DDX21: variants seen among roughly 807,000 people sequenced by gnomAD.
DDX21 encodes the protein DExD-box helicase 21.
DDX21 carries 18 observed loss-of-function variants against 90.0 expected under a neutral mutation model. That is an observed-to-expected ratio of 0.20 (90% CI 0.14 to 0.30). The LOEUF is 0.30. Among genes scored for constraint, DDX21 ranks in the 10% least tolerant of loss-of-function variants. The pLI, the probability that DDX21 is intolerant of heterozygous loss-of-function variation, is 1.00. For missense variants in DDX21, 673 were observed against 944.5 expected, an observed-to-expected ratio of 0.71 and a Z score of 3.77; for synonymous variants, 294 against 318.0, an observed-to-expected ratio of 0.92 and a Z score of 0.80.
chr10:68,968,804 C>T (rs913505266), intron 6 of DDX21, among the ~76,000 whole-genome samples, 172 bp from the exon 7 acceptor site: 2 of 152,164 alleles, frequency 1.3e-5, no homozygotes, highest in African/African-American at 4.8e-5. Context: ...AGCGGTATTT[C>T]TTTGCCCATT....
chr10:68,960,448 GTACTCTGTCTTTTT>G (rs1842858618), intron 2 of DDX21, among the ~76,000 whole-genome samples, 199 bp downstream of exon 2: 1 of 151,570 alleles, frequency 6.6e-6, no homozygotes, highest in African/African-American at 2.4e-5. Context: ...TCAGCTAAGA[GTACTCTGTCTTTTT>G]TATTTTTTTA....
In DDX21 at chr10:68,977,629, C is replaced by G. The variant is rs1277206893; in HGVS notation, c.1843C>G (p.Leu615Val). 6.2e-7 allele frequency: 1 copy of G among 1,614,010 alleles called. No homozygotes were observed. Among genetic ancestry groups the G allele is most frequent in the Non-Finnish European group, 8.5e-7 (1 of 1,179,886 alleles). Residue 615 changes from leucine (L) to valine (V), a missense_variant, in exon 12 of 15, where the codon CTG (leucine) becomes GTG (valine). Physicochemically the swap from Leu to Val is conservative, Grantham distance 32 (BLOSUM62 1). Coordinates refer to ENST00000354185, the MANE Select transcript of DDX21 (RefSeq NM_004728.4). ...KGAVEALAAA[L>V]AHISGATSVD... ...AGCTGTGGAAGCTCTGGCAGCAGCA[C>G]TGGCCCATATTTCAGGTGCCACGTC... is the stretch of plus-strand genomic sequence containing the variant.
intron 10 of DDX21, 68 bp from the exon 11 acceptor site, chr10:68,974,602 G>A: frequency 3.1e-6 from 4 of 1,309,154 alleles, no homozygotes; most frequent in South Asian, 2.5e-5. Flanking sequence ...AAAAATTAGG[G>A]GACTGCTTAT....
At chr10:68,958,627 T>A (rs569621934) in intron 1 of DDX21, among the ~76,000 whole-genome samples, 1 of 152,154 alleles carries the variant, frequency 6.6e-6, no homozygotes, top group East Asian at 1.9e-4. Context: ...TTAGTAGAGA[T>A]GAGATTTCAC....
At chr10:68,974,200 T>C (rs769067960) in intron 10 of DDX21, among the ~76,000 whole-genome samples, 4 of 152,198 alleles carry the variant, frequency 2.6e-5, no homozygotes, top group Non-Finnish European at 5.9e-5. Context: ...TCATTAGTGA[T>C]AGGCACATAG....
chr10:68,960,911 G>T (rs1842864820), intron 2 of DDX21, among the ~76,000 whole-genome samples: 1 of 152,106 alleles, frequency 6.6e-6, no homozygotes, highest in African/African-American at 2.4e-5. Context: ...TTTGTAAATG[G>T]GCCCTAGTTT....
intron 4 of DDX21, among the ~76,000 whole-genome samples, chr10:68,964,916 T>C (rs1011366180): frequency 3.9e-5 from 6 of 152,148 alleles, no homozygotes; most frequent in Non-Finnish European, 7.4e-5. Flanking sequence ...GCTAGGATTA[T>C]AGGCATGAGC....
chr10:68,976,059 AAAAAAATAC>A (rs1843095725), intron 11 of DDX21, among the ~76,000 whole-genome samples: 1 of 151,612 alleles, frequency 6.6e-6, no homozygotes, highest in Non-Finnish European at 1.5e-5. Context: ...CAAAAAAAAA[AAAAAAATAC>A]AAAAATACAA....
intron 5 of DDX21, among the ~76,000 whole-genome samples, chr10:68,966,576 G>A (rs564948943): frequency 2.6e-5 from 4 of 152,154 alleles, no homozygotes; most frequent in African/African-American, 7.2e-5. Context: ...CCGAGTAGCT[G>A]GGATTACAGG....
At chr10:68,964,169 C>T in intron 4 of DDX21, 1 of 406,784 alleles carries the variant, frequency 2.5e-6, no homozygotes, top group South Asian at 1.8e-5. Flanking sequence ...AAACGCCAAG[C>T]CCCCATATTA....
intron 7 of DDX21, among the ~76,000 whole-genome samples, chr10:68,969,530 G>A (rs1024796342): frequency 2.0e-5 from 3 of 152,044 alleles, no homozygotes; most frequent in Non-Finnish European, 2.9e-5. Context: ...TGCCCATCTC[G>A]GCCTCCCAAA....
chr10:68,977,497 A>T, intron 11 of DDX21, 32 bp from the exon 12 acceptor site: 2 of 1,553,276 alleles, frequency 1.3e-6, no homozygotes, highest in Non-Finnish European at 1.7e-6. Flanking sequence ...CACTTCTAGT[A>T]TCCTTTCTCC....
intron 9 of DDX21, among the ~76,000 whole-genome samples, chr10:68,972,521 T>C (rs1424290547): frequency 6.6e-6 from 1 of 152,188 alleles, no homozygotes; most frequent in Non-Finnish European, 1.5e-5. Flanking sequence ...TCCAAAGGTA[T>C]TCCAATCACT....
intron 4 of DDX21, 120 bp downstream of exon 4, chr10:68,963,589 G>T: frequency 1.3e-6 from 1 of 791,252 alleles, no homozygotes; most frequent in Non-Finnish European, 1.8e-6. Context: ...ATTTACTGTG[G>T]ATCTTTATGT....
chr10:68,971,352 A>G (rs2132088728), intron 8 of DDX21, among the ~76,000 whole-genome samples: 1 of 152,140 alleles, frequency 6.6e-6, no homozygotes, highest in South Asian at 2.1e-4. Context: ...TAAGCCCAGC[A>G]TTTATTAGCA....
At chr10:68,981,717 A>G in intron 14 of DDX21, 136 bp downstream of exon 14, 2 of 793,746 alleles carry the variant, frequency 2.5e-6, no homozygotes, top group Non-Finnish European at 2.0e-6. Context: ...AAATTTTGGA[A>G]TATTCCCCCC....
chr10:68,957,955 A>G (rs1842821487), intron 1 of DDX21, among the ~76,000 whole-genome samples: 2 of 152,140 alleles, frequency 1.3e-5, no homozygotes, highest in South Asian at 4.1e-4. Context: ...AGAAAGTTCA[A>G]ATAGGAGCCA....
chr10:68,963,565 T>C (rs1842900639), intron 4 of DDX21, 96 bp downstream of exon 4: 14 of 1,119,232 alleles, frequency 1.3e-5, no homozygotes, highest in Admixed American at 2.8e-5. Flanking sequence ...TGAGTTCTTA[T>C]AGTCACCCAT....
intron 11 of DDX21, 88 bp downstream of exon 11, chr10:68,974,831 A>AT: frequency 4.9e-6 from 6 of 1,218,712 alleles, no homozygotes; most frequent in Non-Finnish European, 2.3e-6. Flanking sequence ...GACTTAAAAA[A>AT]ATTTTTTTTT....
Sources: gnomAD v4.1 joint callset for allele counts (sites outside exome capture counted in the v4.1 genomes callset) on GRCh38, gnomAD v4.1.1 for gene constraint, MANE v1.5 for transcripts, NCBI Gene and HGNC (gene_info 2026-07-23, HGNC 2026-07-21) for gene names.